PMFBP1: variants seen among roughly 807,000 people sequenced by gnomAD.
The protein encoded by PMFBP1 is polyamine-modulated factor 1-binding protein 1.
PMFBP1 carries 131 observed loss-of-function variants against 137.8 expected under a neutral mutation model. That is an observed-to-expected ratio of 0.95 (90% CI 0.82 to 1.10). PMFBP1 has a LOEUF of 1.10. Among genes scored for constraint, PMFBP1 ranks in the 50% least tolerant of loss-of-function variants. The probability of loss-of-function intolerance (pLI) is 0.00; values close to 1 mark genes in which losing one functional copy is unlikely to be tolerated. For synonymous variants in PMFBP1, 490 were observed against 450.4 expected (o/e 1.09, Z -1.11); for missense variants, 1,199 against 1,175.4 (o/e 1.02, Z -0.29).
At chr16:72,125,693 A>G (rs2042444854) in intron 15 of PMFBP1, among the ~76,000 whole-genome samples, 1 of 152,146 alleles carries the variant, frequency 6.6e-6, no homozygotes, top group Non-Finnish European at 1.5e-5. Flanking sequence ...CTGACAATCC[A>G]GACTTTGGGA....
At chr16:72,222,401 T>G in the PMFBP1 span, among the ~76,000 whole-genome samples, 14 of 152,186 alleles carry the variant, frequency 9.2e-5, no homozygotes, top group Admixed American at 5.9e-4. Flanking sequence ...CCTTCCTCCT[T>G]CTATCTCTTA....
At chr16:72,136,086 T>C (rs1186796453) in intron 9 of PMFBP1, among the ~76,000 whole-genome samples, 1 of 152,102 alleles carries the variant, frequency 6.6e-6, no homozygotes, top group Non-Finnish European at 1.5e-5. Context: ...TGAAATTCAC[T>C]TGAAATTCTT....
chr16:72,151,209 T>C (rs2042897934), intron 4 of PMFBP1, among the ~76,000 whole-genome samples: 1 of 152,174 alleles, frequency 6.6e-6, no homozygotes, highest in African/African-American at 2.4e-5. Flanking sequence ...AGGTTGAACT[T>C]AGAAAATGCA....
the PMFBP1 span, among the ~76,000 whole-genome samples, chr16:72,222,872 T>G: frequency 4.6e-5 from 7 of 152,302 alleles, no homozygotes; most frequent in East Asian, 3.9e-4. Flanking sequence ...AAGGTGACAT[T>G]TAAGTTGACT....
At chr16:72,122,517 C>G (rs1398352523) in intron 19 of PMFBP1, among the ~76,000 whole-genome samples, 1 of 152,172 alleles carries the variant, frequency 6.6e-6, no homozygotes, top group Admixed American at 6.5e-5. Context: ...TCCAACCTGG[C>G]CTGCTCACCT....
chr16:72,200,639 A>C, the PMFBP1 span, among the ~76,000 whole-genome samples: 1 of 152,264 alleles, frequency 6.6e-6, no homozygotes, highest in Admixed American at 6.5e-5. Flanking sequence ...AATCTGTGCT[A>C]TTATGCTAAT....
chr16:72,165,369 C>G (rs1200944060), intron 2 of PMFBP1, among the ~76,000 whole-genome samples: 1 of 151,316 alleles, frequency 6.6e-6, no homozygotes, highest in African/African-American at 2.4e-5. Context: ...CCCACTAGAC[C>G]AAAAAATGTC....
intron 20 of PMFBP1, 194 bp downstream of exon 20, chr16:72,119,657 T>G (rs1202798603): frequency 2.1e-6 from 3 of 1,446,720 alleles, no homozygotes; most frequent in Non-Finnish European, 2.7e-6. Flanking sequence ...ATGCTTCAGA[T>G]GTTCTTAGAT....
chr16:72,223,974 T>G, the PMFBP1 span, among the ~76,000 whole-genome samples: 1 of 152,126 alleles, frequency 6.6e-6, no homozygotes, highest in African/African-American at 2.4e-5. Flanking sequence ...TCAGGATGAA[T>G]TTCACACCCT....
intron 10 of PMFBP1, among the ~76,000 whole-genome samples, chr16:72,131,441 A>T (rs972155706): frequency 6.6e-6 from 1 of 152,198 alleles, no homozygotes; most frequent in East Asian, 1.9e-4. Context: ...ATTGGAATAC[A>T]TTAGAATAGA....
At chr16:72,198,805 C>A in the PMFBP1 span, among the ~76,000 whole-genome samples, 3 of 150,470 alleles carry the variant, frequency 2.0e-5, no homozygotes, top group African/African-American at 4.9e-5. Context: ...CAGTCACATC[C>A]CCCCACCCCC....
At chr16:72,188,429 C>T in the PMFBP1 span, among the ~76,000 whole-genome samples, 1 of 152,204 alleles carries the variant, frequency 6.6e-6, no homozygotes, top group Admixed American at 6.5e-5. Flanking sequence ...CTATTGCCAC[C>T]TGGCACCTGG....
the PMFBP1 span, among the ~76,000 whole-genome samples, chr16:72,221,965 A>G: frequency 2.0e-5 from 3 of 152,188 alleles, no homozygotes; most frequent in African/African-American, 7.2e-5. Flanking sequence ...AGTAGCAGGC[A>G]CTTTGCCGGG....
the PMFBP1 span, among the ~76,000 whole-genome samples, chr16:72,225,605 C>T: frequency 1.3e-5 from 2 of 151,456 alleles, no homozygotes; most frequent in Admixed American, 1.3e-4. Context: ...TTCAGCTACT[C>T]AGGAGGCTGA....
At chr16:72,194,563 G>A in the PMFBP1 span, among the ~76,000 whole-genome samples, 1 of 152,158 alleles carries the variant, frequency 6.6e-6, no homozygotes, top group African/African-American at 2.4e-5. Context: ...AAATCTTTGA[G>A]CTTGAGCAAG....
intron 9 of PMFBP1, among the ~76,000 whole-genome samples, chr16:72,135,814 C>T (rs528308972): frequency 2.0e-4 from 27 of 135,704 alleles, no homozygotes; most frequent in South Asian, 9.5e-4. Flanking sequence ...GGCATGATCA[C>T]GACTCACTGC....
intron 15 of PMFBP1, among the ~76,000 whole-genome samples, 183 bp downstream of exon 15, chr16:72,125,785 C>T (rs768492026): frequency 6.6e-6 from 1 of 152,228 alleles, no homozygotes; most frequent in African/African-American, 2.4e-5. Flanking sequence ...CCGCCCTCCA[C>T]CCAACTCCAA....
chr16:72,221,270 C>T, the PMFBP1 span, among the ~76,000 whole-genome samples: 4 of 152,182 alleles, frequency 2.6e-5, no homozygotes, highest in South Asian at 2.1e-4. Flanking sequence ...CATTAACACC[C>T]GCCTCCAACA....
At chr16:72,190,256 C>G in the PMFBP1 span, among the ~76,000 whole-genome samples, 3 of 152,172 alleles carry the variant, frequency 2.0e-5, no homozygotes, top group African/African-American at 7.2e-5. Flanking sequence ...TAGGGACGGA[C>G]TATTATCATC....
Sources: allele counts gnomAD v4.1 joint callset (sites outside exome capture counted in the v4.1 genomes callset), GRCh38; gene constraint gnomAD v4.1.1; transcripts MANE v1.5; gene names NCBI Gene and HGNC (gene_info 2026-07-23, HGNC 2026-07-21).